PBRM1: variants seen among roughly 807,000 people sequenced by gnomAD.
PBRM1 encodes the protein protein polybromo-1.
Under a neutral mutation model 194.5 loss-of-function variants are expected in PBRM1, and 27 were observed. The ratio of observed to expected loss-of-function variants is 0.14; its 90% CI spans 0.10 to 0.19. The LOEUF (loss-of-function observed/expected upper bound fraction) is 0.19, where lower values mean the gene tolerates loss of function less well. PBRM1 is among the 10% of genes least tolerant of loss of function. The pLI is 1.00. For missense variants in PBRM1, 1,466 were observed against 2,077.2 expected, an observed-to-expected ratio of 0.71 and a Z score of 5.72; for synonymous variants, 655 against 693.2, an observed-to-expected ratio of 0.94 and a Z score of 0.87.
chr3:52,607,137 G>A (rs2094389663), intron 16 of PBRM1, among the ~76,000 whole-genome samples: 1 of 152,134 alleles, frequency 6.6e-6, no homozygotes, highest in Non-Finnish European at 1.5e-5. Flanking sequence ...TAATATAGTA[G>A]ATAAAGGCAT....
intron 4 of PBRM1, 49 bp from the exon 6 acceptor site, chr3:52,658,364 T>C (rs1261878400): frequency 2.1e-6 from 2 of 974,308 alleles, no homozygotes; most frequent in South Asian, 2.7e-5. Flanking sequence ...AATAAAATGC[T>C]GAATATTACA....
At chr3:52,617,499 G>T in exon 14 of PBRM1, 1 of 1,611,696 alleles carries the variant, frequency 6.2e-7, no homozygotes. Flanking sequence ...GAACAACATT[G>T]AATAAGATTT....
intron 11 of PBRM1, among the ~76,000 whole-genome samples, chr3:52,631,478 T>C (rs1369226007): frequency 6.6e-6 from 1 of 152,192 alleles, no homozygotes. Flanking sequence ...TTTTACCTGC[T>C]TCTTGACTCT....
intron 17 of PBRM1, among the ~76,000 whole-genome samples, chr3:52,594,080 C>T (rs1236578872): frequency 1.3e-5 from 2 of 152,156 alleles, no homozygotes; most frequent in Non-Finnish European, 2.9e-5. Context: ...TGAGGTCCTG[C>T]TGTGTTACCC....
At chr3:52,617,634 C>T (rs2095033597) in intron 13 of PBRM1, 96 bp from the exon 16 acceptor site, 1 of 833,484 alleles carries the variant, frequency 1.2e-6, no homozygotes, top group African/African-American at 1.7e-5. Flanking sequence ...ATTTATGGTG[C>T]TTTATAATGA....
intron 15 of PBRM1, 78 bp from the exon 18 acceptor site, chr3:52,610,033 G>A: frequency 2.4e-6 from 2 of 829,298 alleles, no homozygotes; most frequent in Non-Finnish European, 1.8e-6. Flanking sequence ...ATAACCACAA[G>A]GGACGATTCC....
chr3:52,638,994 G>T (rs946565606), intron 10 of PBRM1, among the ~76,000 whole-genome samples: 3 of 119,884 alleles, frequency 2.5e-5, no homozygotes, highest in East Asian at 5.9e-4. Context: ...TTTGGGGGGG[G>T]GGGGCGGGGG....
chr3:52,648,467 A>T, intron 6 of PBRM1, 25 bp from the exon 8 acceptor site: 1 of 1,269,774 alleles, frequency 7.9e-7, no homozygotes, highest in Non-Finnish European at 1.1e-6. Context: ...AAAATATAGC[A>T]GTTCCTTTTA....
intron 6 of PBRM1, 64 bp downstream of exon 7, chr3:52,651,678 C>T: frequency 1.1e-6 from 1 of 878,618 alleles, no homozygotes; most frequent in Non-Finnish European, 1.8e-6. Context: ...CTAAAAGCTT[C>T]TAGGAAAGAT....
chr3:52,667,485 G>A (rs77146033), intron 3 of PBRM1, among the ~76,000 whole-genome samples: 5 of 151,532 alleles, frequency 3.3e-5, no homozygotes, highest in African/African-American at 1.2e-4. Context: ...AGGCATGGTC[G>A]CTCACGCCTG....
rs191050770 is a variant in PBRM1 at position 52,651,979 on chromosome 3, G to T, written c.646-169C>A. The stretch of plus-strand genomic sequence containing the variant: ...ACATTTATTATATCAGAACCATAAA[G>T]AATTTAATCTTAAGAAGCTTCATGA... On this transcript the variant is annotated intron_variant, in intron 5 of 29. Transcript: ENST00000296302. Among the ~76,000 whole-genome samples the T allele has an allele frequency of 4.6e-5, 7 of 152,324 alleles. No homozygotes were observed. The East Asian group carries it at 1.2e-3, about 25-fold the overall frequency.
At chr3:52,547,452 G>T (rs1420987233), downstream of PBRM1, 3 of 233,350 alleles carry the variant, frequency 1.3e-5, no homozygotes, top group Non-Finnish European at 1.7e-5. Context: ...GAGCAAATGT[G>T]CTGTGTCTAT....
upstream of PBRM1, among the ~76,000 whole-genome samples, chr3:52,684,191 A>AC (rs2097268287): frequency 7.2e-6 from 1 of 139,102 alleles, no homozygotes; most frequent in Non-Finnish European, 1.6e-5. Context: ...AAAAAAAAAA[A>AC]AAAATGCCTG....
At chr3:52,596,477 A>AAAAG (rs1560197878) in intron 17 of PBRM1, among the ~76,000 whole-genome samples, 22 of 133,600 alleles carry the variant, frequency 1.6e-4, no homozygotes, top group African/African-American at 4.5e-4. Flanking sequence ...AAAAAAAAAA[A>AAAAG]AAAGAAATGT....
At chr3:52,628,364 CA>C (rs557100684) in intron 12 of PBRM1, among the ~76,000 whole-genome samples, 4,137 of 111,198 alleles carry the variant, frequency 0.037, 69 homozygotes, top group South Asian at 0.047. Flanking sequence ...ATGACAACTC[CA>C]AAAAAAAAAA....
intron 21 of PBRM1, among the ~76,000 whole-genome samples, chr3:52,578,502 C>T (rs1373017590): frequency 6.6e-6 from 1 of 152,206 alleles, no homozygotes; most frequent in Non-Finnish European, 1.5e-5. Flanking sequence ...AGCCACTATC[C>T]TCTCCTACCC....
At chr3:52,648,673 T>C (rs2096398354) in intron 6 of PBRM1, among the ~76,000 whole-genome samples, 1 of 152,224 alleles carries the variant, frequency 6.6e-6, no homozygotes, top group Non-Finnish European at 1.5e-5. Context: ...ATTATTCTCA[T>C]AAAAATAAAT....
In PBRM1 at chr3:52,599,577, C is replaced by T. The variant is rs562083703; in HGVS notation, c.2779+3944G>A. Among the ~76,000 whole-genome samples the T allele has an allele frequency of 2.6e-4, 39 of 150,890 alleles. 2 individuals are homozygous for T. Among genetic ancestry groups the T allele is most frequent in the African/African-American group, 9.0e-4 (37 of 41,046 alleles). On this transcript the variant is annotated intron_variant, in intron 17 of 29. Transcript: ENST00000296302. Reference sequence around the variant, plus strand: ...CTGTAATCCCAGCACTTTGGACAGCCGAGGCGGGCGGATCATGAGGTCAGG... The same window carrying T: ...CTGTAATCCCAGCACTTTGGACAGCTGAGGCGGGCGGATCATGAGGTCAGG...
At chr3:52,589,523 A>ATGTCC (rs2092799361) in intron 17 of PBRM1, among the ~76,000 whole-genome samples, 2 of 152,226 alleles carry the variant, frequency 1.3e-5, no homozygotes, top group African/African-American at 4.8e-5. Context: ...TCACCTTACT[A>ATGTCC]ATATATGATC....
Sources: gnomAD v4.1 joint callset for allele counts (sites outside exome capture counted in the v4.1 genomes callset) on GRCh38, gnomAD v4.1.1 for gene constraint, MANE v1.5 for transcripts, NCBI Gene and HGNC (gene_info 2026-07-23, HGNC 2026-07-21) for gene names.